Variants in CAB39 observed in about 807,000 individuals in gnomAD.
The protein encoded by CAB39 is calcium binding protein 39.
A neutral mutation model predicts 40.0 loss-of-function variants in CAB39; 8 were observed. The ratio of observed to expected loss-of-function variants is 0.20; its 90% CI spans 0.12 to 0.36. The LOEUF is 0.36. Ranked by LOEUF, CAB39 falls within the 10% of genes least tolerant of loss-of-function variation. CAB39 has a pLI of 1.00. For missense variants in CAB39, 270 were observed against 401.1 expected (o/e 0.67, Z 2.79); for synonymous variants, 156 against 141.6 (o/e 1.10, Z -0.72).
chr2:230,809,385 A>AT lies in CAB39; in HGVS notation c.568-876dup, dbSNP rs559776404. ...AAAGGTGGTTGGGAGAAAGGCGATGATTGGCGCTATCTTCTTTAGCAGTGG... is the reference window on the plus strand; with the variant it reads ...AAAGGTGGTTGGGAGAAAGGCGATGATTTGGCGCTATCTTCTTTAGCAGTGG... On this transcript the variant is annotated intron_variant, in intron 5 of 8. Transcript: ENST00000258418. 7.9e-5 allele frequency among the ~76,000 whole-genome samples: 12 copies of AT among 152,344 alleles called. 1 individual carries two copies. In the South Asian group the frequency reaches 2.5e-3, roughly 32 times the overall value.
At chr2:230,742,369 G>A (rs1355873428) in intron 1 of CAB39, among the ~76,000 whole-genome samples, 1 of 152,024 alleles carries the variant, frequency 6.6e-6, no homozygotes, top group East Asian at 1.9e-4. Context: ...TAGAGACGGG[G>A]TTTCACCGTG....
intron 2 of CAB39, among the ~76,000 whole-genome samples, chr2:230,768,583 G>T (rs970706833): frequency 6.6e-6 from 1 of 152,170 alleles, no homozygotes; most frequent in Non-Finnish European, 1.5e-5. Flanking sequence ...GAATTAAAGG[G>T]TTTAATTAGC....
intron 1 of CAB39, among the ~76,000 whole-genome samples, chr2:230,742,467 G>A (rs945442892): frequency 6.6e-6 from 1 of 150,798 alleles, no homozygotes; most frequent in Non-Finnish European, 1.5e-5. Context: ...GAGCCCCCAC[G>A]CCTGGCCAAT....
chr2:230,716,160 A>G, intron 1 of CAB39, among the ~76,000 whole-genome samples: 1 of 152,244 alleles, frequency 6.6e-6, no homozygotes, highest in Non-Finnish European at 1.5e-5. Context: ...GATGCTGAGT[A>G]AGGCTGTATA....
chr2:230,807,272 T>G (rs963624870), intron 5 of CAB39, among the ~76,000 whole-genome samples: 3 of 151,916 alleles, frequency 2.0e-5, no homozygotes, highest in Admixed American at 1.3e-4. Context: ...CTGCAGTCAC[T>G]AGGCTAAGGT....
Position 230,780,461 on chromosome 2 carries a change from T to C in CAB39, c.115-10411T>C, listed in dbSNP as rs1392165705. The stretch of plus-strand genomic sequence containing the variant: ...ATCTAATTCAGGATCACACGTTACA[T>C]GTAAGGAGTCGTAACATCTCCCTAG... On this transcript the variant is annotated intron_variant, in intron 2 of 8. Transcript: ENST00000258418. Among the ~76,000 whole-genome samples, 8 of 152,218 alleles carry C rather than the reference T, an allele frequency of 5.3e-5. No homozygotes were observed. In the South Asian group the frequency reaches 8.3e-4, roughly 16 times the overall value.
At chr2:230,782,813 CTT>C (rs1212977897) in intron 2 of CAB39, among the ~76,000 whole-genome samples, 3 of 81,762 alleles carry the variant, frequency 3.7e-5, no homozygotes, top group East Asian at 5.9e-4. Context: ...TTCTTTCTTT[CTT>C]TTTTTTTTTT....
At chr2:230,789,145 A>G (rs554797760) in intron 2 of CAB39, among the ~76,000 whole-genome samples, 62 of 152,178 alleles carry the variant, frequency 4.1e-4, no homozygotes, top group Middle Eastern at 6.8e-3. Flanking sequence ...CTTATCTACT[A>G]TCTAATCTGC....
At position 230,762,672 on chromosome 2, in the gene CAB39, C is replaced by G. The variant is rs532317126; in HGVS notation, c.114+2557C>G. ...GTCCCATAAATTAAAAATGGTTCAT[C>G]TTTTGTCTGTGGCTAAATATGTTGT... On this transcript the variant is annotated intron_variant, in intron 2 of 8. Transcript: ENST00000258418. 4.6e-5 allele frequency among the ~76,000 whole-genome samples: 7 copies of G among 152,308 alleles called. No individual in the cohort carries two copies. The South Asian group carries it at 1.5e-3, about 32-fold the overall frequency.
At chr2:230,768,246 A>T (rs192549754) in intron 2 of CAB39, among the ~76,000 whole-genome samples, 9 of 152,336 alleles carry the variant, frequency 5.9e-5, no homozygotes, top group African/African-American at 2.2e-4. Context: ...AGAGAGTACC[A>T]TAGCTAGGTA....
rs62193646 is a variant in CAB39, at chr2:230,796,876, G to A, written c.399-1853G>A. On this transcript the variant is annotated intron_variant, in intron 4 of 8. Coordinates refer to ENST00000258418, the MANE Select transcript of CAB39 (RefSeq NM_016289.4). Reference sequence around the variant, plus strand: ...ACTGGGAACAAAGGTACAGGGGCAGGAATGAACATAACATGATTGGCAGCA... The same window carrying A: ...ACTGGGAACAAAGGTACAGGGGCAGAAATGAACATAACATGATTGGCAGCA... Among the ~76,000 whole-genome samples, 505 of 152,284 alleles carry A rather than the reference G, an allele frequency of 3.3e-3. 5 individuals are homozygous for A. Among genetic ancestry groups the A allele is most frequent in the Admixed American group, 5.9e-3 (90 of 15,280 alleles).
chr2:230,766,562 G>GTGTT (rs1331035316), intron 2 of CAB39, among the ~76,000 whole-genome samples: 1 of 152,178 alleles, frequency 6.6e-6, no homozygotes, highest in East Asian at 1.9e-4. Context: ...TTGGGACAGG[G>GTGTT]TCTCACTCTA....
chr2:230,802,289 T>C (rs1371227816), intron 5 of CAB39, among the ~76,000 whole-genome samples: 2 of 152,104 alleles, frequency 1.3e-5, no homozygotes, highest in African/African-American at 2.4e-5. Context: ...TTTATAGCAC[T>C]AAATGCCCAC....
intron 2 of CAB39, among the ~76,000 whole-genome samples, chr2:230,777,312 G>T (rs1430103861): frequency 6.7e-6 from 1 of 149,972 alleles, no homozygotes; most frequent in African/African-American, 2.4e-5. Context: ...GGGCAGATAA[G>T]TAAATGAGTA....
At chr2:230,717,945 C>T (rs1338734233) in intron 1 of CAB39, among the ~76,000 whole-genome samples, 2 of 152,108 alleles carry the variant, frequency 1.3e-5, no homozygotes, top group Non-Finnish European at 2.9e-5. Flanking sequence ...TGCCTTGGCC[C>T]TTCATGTTGA....
chr2:230,750,605 A>G (rs1009298028), intron 1 of CAB39, among the ~76,000 whole-genome samples: 2 of 151,986 alleles, frequency 1.3e-5, no homozygotes, highest in African/African-American at 4.8e-5. Flanking sequence ...GTAGTTCTCA[A>G]TTTTGTTTTT....
chr2:230,736,024 C>T (rs1267709067), intron 1 of CAB39, among the ~76,000 whole-genome samples: 1 of 152,160 alleles, frequency 6.6e-6, no homozygotes, highest in Non-Finnish European at 1.5e-5. Context: ...GACCATCTCT[C>T]ATGTTCACAT....
intron 1 of CAB39, among the ~76,000 whole-genome samples, chr2:230,742,842 G>A (rs560547770): frequency 2.7e-5 from 4 of 149,484 alleles, no homozygotes; most frequent in Non-Finnish European, 4.5e-5. Flanking sequence ...GTGTTGATTA[G>A]CTGGCAAAGA....
chr2:230,781,799 A>G (rs1158404803), intron 2 of CAB39, among the ~76,000 whole-genome samples: 1 of 152,226 alleles, frequency 6.6e-6, no homozygotes, highest in Admixed American at 6.5e-5. Context: ...ATAGTCCCTA[A>G]TGCAAGCTGC....
Sources: allele counts gnomAD v4.1 joint callset (sites outside exome capture counted in the v4.1 genomes callset), GRCh38; gene constraint gnomAD v4.1.1; transcripts MANE v1.5; gene names NCBI Gene and HGNC (gene_info 2026-07-23, HGNC 2026-07-21).